The following TNS3 variants were observed in gnomAD, a reference collection of about 807,000 sequenced individuals.
TNS3 encodes tensin 3.
In TNS3, 45 loss-of-function variants were observed where a neutral mutation model predicts 140.9. The ratio of observed to expected loss-of-function variants is 0.32; its 90% CI spans 0.25 to 0.41. The LOEUF is 0.41. Ranked by LOEUF, TNS3 falls within the 10% of genes least tolerant of loss-of-function variation. The probability of loss-of-function intolerance (pLI) is 1.00; values close to 1 mark genes in which losing one functional copy is unlikely to be tolerated. For missense variants in TNS3, 1,716 were observed against 1,906.7 expected (o/e 0.90, Z 1.86); for synonymous variants, 815 against 788.4 (o/e 1.03, Z -0.56).
At chr7:47,321,954 A>T (rs1418631472) in intron 20 of TNS3, among the ~76,000 whole-genome samples, 2 of 152,108 alleles carry the variant, frequency 1.3e-5, no homozygotes, top group Admixed American at 6.5e-5. Context: ...ATCATCCACC[A>T]AGGTTTTCCT....
chr7:47,501,060 G>A (rs902421898), intron 3 of TNS3, among the ~76,000 whole-genome samples: 4 of 151,922 alleles, frequency 2.6e-5, no homozygotes, highest in Admixed American at 6.6e-5. Context: ...ATTCCAGCCC[G>A]GGTGACGGAG....
chr7:47,511,980 C>T (rs957077795), intron 2 of TNS3, among the ~76,000 whole-genome samples: 4 of 152,252 alleles, frequency 2.6e-5, no homozygotes, highest in East Asian at 1.9e-4. Context: ...GTACTTTAGA[C>T]GCCTTGTTCC....
chr7:47,543,796 A>T (rs1322210887), intron 1 of TNS3, among the ~76,000 whole-genome samples: 1 of 152,068 alleles, frequency 6.6e-6, no homozygotes, highest in Non-Finnish European at 1.5e-5. Context: ...GCCTGTCCCC[A>T]CCCATGGGAG....
intron 2 of TNS3, among the ~76,000 whole-genome samples, chr7:47,520,873 T>G (rs1024463465): frequency 6.6e-6 from 1 of 152,104 alleles, no homozygotes; most frequent in Non-Finnish European, 1.5e-5. Flanking sequence ...GCCCTCAGGG[T>G]TGGGGGACTC....
intron 5 of TNS3, among the ~76,000 whole-genome samples, chr7:47,440,776 A>T (rs1360468202): frequency 6.6e-6 from 1 of 152,230 alleles, no homozygotes; most frequent in Non-Finnish European, 1.5e-5. Context: ...AGCCAGAGGC[A>T]TGGGTGCACG....
chr7:47,556,650 C>T (rs1800203886), intron 1 of TNS3, among the ~76,000 whole-genome samples: 1 of 152,216 alleles, frequency 6.6e-6, no homozygotes, highest in Non-Finnish European at 1.5e-5. Context: ...TCAGTGGGTA[C>T]ATCTGAGTCA....
At chr7:47,386,644 G>A (rs1028991466) in intron 16 of TNS3, among the ~76,000 whole-genome samples, 2 of 152,188 alleles carry the variant, frequency 1.3e-5, no homozygotes, top group Non-Finnish European at 2.9e-5. Flanking sequence ...GAGCCGAGGC[G>A]GTCTCAGCTT....
intron 2 of TNS3, among the ~76,000 whole-genome samples, chr7:47,527,600 A>G (rs999272167): frequency 2.0e-5 from 3 of 152,180 alleles, no homozygotes; most frequent in Non-Finnish European, 4.4e-5. Context: ...TGACCAAGAT[A>G]TCACCTAGTG....
At chr7:47,366,109 T>C (rs1264247172) in intron 17 of TNS3, among the ~76,000 whole-genome samples, 2 of 152,210 alleles carry the variant, frequency 1.3e-5, no homozygotes, top group Non-Finnish European at 2.9e-5. Context: ...GTAACTTCTT[T>C]TAAGAAGGTT....
At chr7:47,443,099 C>T (rs1283793294) in intron 4 of TNS3, among the ~76,000 whole-genome samples, 1 of 151,880 alleles carries the variant, frequency 6.6e-6, no homozygotes, top group African/African-American at 2.4e-5. Context: ...GCGTGCTCTT[C>T]AGTTCTACAC....
intron 3 of TNS3, among the ~76,000 whole-genome samples, chr7:47,500,173 G>C (rs758470521): frequency 6.6e-6 from 1 of 152,206 alleles, no homozygotes; most frequent in Non-Finnish European, 1.5e-5. Context: ...ATTTCGTCCT[G>C]TGGGGCTGCA....
intron 20 of TNS3, among the ~76,000 whole-genome samples, chr7:47,313,299 T>C (rs1420536068): frequency 6.6e-6 from 1 of 152,168 alleles, no homozygotes; most frequent in African/African-American, 2.4e-5. Context: ...CTGTAGGAGC[T>C]CCATGTCATT....
chr7:47,327,328 A>G (rs1169048454), intron 20 of TNS3, among the ~76,000 whole-genome samples: 2 of 152,230 alleles, frequency 1.3e-5, no homozygotes, highest in African/African-American at 4.8e-5. Flanking sequence ...GCTTGCTTCA[A>G]CCACAGAAGA....
At chr7:47,396,287 G>C (rs1015586845) in intron 16 of TNS3, among the ~76,000 whole-genome samples, 8 of 152,110 alleles carry the variant, frequency 5.3e-5, no homozygotes, top group Admixed American at 3.3e-4. Context: ...TATTACACAG[G>C]TGAACAGAGG....
intron 4 of TNS3, among the ~76,000 whole-genome samples, chr7:47,465,829 C>G (rs1796688088): frequency 6.6e-6 from 1 of 151,834 alleles, no homozygotes; most frequent in South Asian, 2.1e-4. Flanking sequence ...GAGGCTGAGG[C>G]AGGAGAATTG....
At chr7:47,298,078 G>A (rs536658339) in intron 23 of TNS3, among the ~76,000 whole-genome samples, 71 of 152,272 alleles carry the variant, frequency 4.7e-4, no homozygotes, top group Non-Finnish European at 8.8e-5. Context: ...GAGCCACTGC[G>A]CCTGGCCAGG....
intron 1 of TNS3, among the ~76,000 whole-genome samples, chr7:47,532,155 G>A (rs1377116441): frequency 1.3e-5 from 2 of 152,048 alleles, no homozygotes; most frequent in African/African-American, 4.8e-5. Flanking sequence ...TCTCATCTCA[G>A]AGCGGGATTG....
At chr7:47,336,922 C>A (rs1168505502) in intron 20 of TNS3, among the ~76,000 whole-genome samples, 1 of 152,064 alleles carries the variant, frequency 6.6e-6, no homozygotes, top group Admixed American at 6.5e-5. Flanking sequence ...CTCCTCCAAG[C>A]CCTCTTCTCC....
intron 3 of TNS3, among the ~76,000 whole-genome samples, chr7:47,493,662 C>CA (rs58803590): frequency 0.022 from 2,637 of 118,864 alleles, 72 homozygotes; most frequent in Admixed American, 0.1. Context: ...ACTAAAAATA[C>CA]AAAAAAAAAA....
Sources: allele counts gnomAD v4.1 joint callset (sites outside exome capture counted in the v4.1 genomes callset), GRCh38; gene constraint gnomAD v4.1.1; transcripts MANE v1.5; gene names NCBI Gene and HGNC (gene_info 2026-07-23, HGNC 2026-07-21).